UBE3D: variants seen among roughly 807,000 people sequenced by gnomAD.
The protein encoded by UBE3D is E3 ubiquitin-protein ligase E3D.
UBE3D carries 48 observed loss-of-function variants against 49.6 expected under a neutral mutation model. The observed-to-expected ratio is 0.97, with a 90% confidence interval of 0.77 to 1.23. UBE3D has a LOEUF of 1.23. Among genes scored for constraint, UBE3D ranks in the 50% most tolerant of loss-of-function variants. The pLI, the probability that UBE3D is intolerant of heterozygous loss-of-function variation, is 0.00. For missense variants in UBE3D, 452 were observed against 468.4 expected, an observed-to-expected ratio of 0.96 and a Z score of 0.32; for synonymous variants, 189 against 174.2, an observed-to-expected ratio of 1.08 and a Z score of -0.67.
chr6:82,992,072 C>T (rs552177820), intron 8 of UBE3D, among the ~76,000 whole-genome samples: 4 of 152,022 alleles, frequency 2.6e-5, no homozygotes, highest in Admixed American at 6.6e-5. Flanking sequence ...GATTCCAGCA[C>T]AAACATGCAC....
intron 9 of UBE3D, among the ~76,000 whole-genome samples, chr6:82,918,557 T>C (rs527252230): frequency 1.1e-4 from 17 of 152,168 alleles, no homozygotes; most frequent in Non-Finnish European, 2.4e-4. Flanking sequence ...CCATGGAAAA[T>C]AGAATTTGTT....
At chr6:82,896,305 A>G (rs1771309445) in intron 9 of UBE3D, among the ~76,000 whole-genome samples, 1 of 152,224 alleles carries the variant, frequency 6.6e-6, no homozygotes, top group Non-Finnish European at 1.5e-5. Context: ...TTTATTCCCC[A>G]AAGTAAAAGT....
chr6:82,928,597 G>T (rs2127742090), intron 9 of UBE3D, among the ~76,000 whole-genome samples: 1 of 152,212 alleles, frequency 6.6e-6, no homozygotes. Context: ...TACCAAGTCT[G>T]CTTAAATTTT....
At chr6:82,899,921 T>C (rs978700260) in intron 9 of UBE3D, among the ~76,000 whole-genome samples, 1 of 152,184 alleles carries the variant, frequency 6.6e-6, no homozygotes, top group Non-Finnish European at 1.5e-5. Context: ...TAAAAATATA[T>C]TGCCTCTGAA....
intron 8 of UBE3D, among the ~76,000 whole-genome samples, chr6:82,978,386 A>G (rs1777879093): frequency 6.6e-6 from 1 of 152,196 alleles, no homozygotes; most frequent in Non-Finnish European, 1.5e-5. Flanking sequence ...TTTTCAAGTC[A>G]GTCTAGAGAA....
intron 9 of UBE3D, among the ~76,000 whole-genome samples, chr6:82,912,175 A>T (rs1373138359): frequency 6.6e-6 from 1 of 151,376 alleles, no homozygotes. Flanking sequence ...GATTTCTTCC[A>T]TGCTTTTTTT....
chr6:82,976,051 C>T (rs1002846881), intron 8 of UBE3D, among the ~76,000 whole-genome samples: 2 of 152,098 alleles, frequency 1.3e-5, no homozygotes, highest in African/African-American at 2.4e-5. Context: ...AGCTCACATC[C>T]AAGAAATGTA....
At chr6:83,048,144 G>A (rs1344750889) in intron 3 of UBE3D, among the ~76,000 whole-genome samples, 3 of 149,530 alleles carry the variant, frequency 2.0e-5, no homozygotes, top group African/African-American at 7.4e-5. Context: ...GATCAGTAAC[G>A]GCAGGTCCTT....
rs192805755 is a variant in UBE3D, at chr6:82,939,328, C to A, written c.1149+17984G>T. Among the ~76,000 whole-genome samples the A allele has an allele frequency of 6.6e-5, 10 of 152,210 alleles. No individual in the cohort carries two copies. The East Asian group carries it at 1.2e-3, about 18-fold the overall frequency. ...TTTAAGATTCTATATTTTTAGTTTG[C>A]TAAAAGTAAAAATATGTATTGTTTT... On this transcript the variant is annotated intron_variant, in intron 9 of 9. Coordinates refer to ENST00000369747, the MANE Select transcript of UBE3D (RefSeq NM_198920.3).
chr6:82,965,049 C>A (rs1776811265), intron 8 of UBE3D, among the ~76,000 whole-genome samples: 1 of 152,062 alleles, frequency 6.6e-6, no homozygotes, highest in Non-Finnish European at 1.5e-5. Flanking sequence ...AATTTAAGTA[C>A]ACAATTCCTG....
intron 5 of UBE3D, chr6:83,038,052 T>TAAAAAAAAAAAAA (rs78857512): frequency 1.2e-5 from 1 of 86,368 alleles, no homozygotes; most frequent in Admixed American, 1.1e-4. Context: ...AAGGTAAAAT[T>TAAAAAAAAAAAAA]AAAAAAAAAA....
At chr6:82,997,569 A>C (rs544810738) in intron 8 of UBE3D, among the ~76,000 whole-genome samples, 1 of 152,214 alleles carries the variant, frequency 6.6e-6, no homozygotes, top group East Asian at 1.9e-4. Flanking sequence ...AATACAAAAA[A>C]TTAGCCAGGC....
intron 9 of UBE3D, among the ~76,000 whole-genome samples, chr6:82,936,027 A>G (rs1562099094): frequency 6.6e-6 from 1 of 152,176 alleles, no homozygotes; most frequent in African/African-American, 2.4e-5. Flanking sequence ...AAAATAATAC[A>G]TAATAGTAAT....
At chr6:83,049,253 C>T (rs1783293055) in intron 3 of UBE3D, among the ~76,000 whole-genome samples, 2 of 152,070 alleles carry the variant, frequency 1.3e-5, no homozygotes, top group African/African-American at 4.8e-5. Flanking sequence ...GTAATAACAG[C>T]TTCTACAGAC....
chr6:82,979,299 C>T (rs1420201251), intron 8 of UBE3D, among the ~76,000 whole-genome samples: 1 of 152,022 alleles, frequency 6.6e-6, no homozygotes. Flanking sequence ...GAACTTTGGG[C>T]CAGTAACCAG....
chr6:83,010,593 T>C (rs757079173), intron 8 of UBE3D, among the ~76,000 whole-genome samples: 5 of 152,084 alleles, frequency 3.3e-5, no homozygotes, highest in Non-Finnish European at 5.9e-5. Context: ...TATATACATA[T>C]AAAGGGGAGT....
chr6:83,026,222 G>A (rs1254751772), intron 5 of UBE3D, among the ~76,000 whole-genome samples: 2 of 152,038 alleles, frequency 1.3e-5, no homozygotes, highest in East Asian at 1.9e-4. Flanking sequence ...AAGGCAGGAC[G>A]ATCACTTCAA....
chr6:83,007,592 A>G (rs1780064317), intron 8 of UBE3D, among the ~76,000 whole-genome samples: 1 of 152,210 alleles, frequency 6.6e-6, no homozygotes, highest in Admixed American at 6.5e-5. Context: ...ATAAACATTT[A>G]TATTTTTTGT....
In UBE3D at chr6:83,024,001, C is replaced by T; in HGVS notation, c.705G>A (p.Gln235=). 6.5e-7 allele frequency: 1 copy of T among 1,536,774 alleles called. No homozygotes were observed. Among genetic ancestry groups the T allele is most frequent in the Non-Finnish European group, 8.7e-7 (1 of 1,149,350 alleles). ...TKFYMTEIII[Q]SSERSFPIIP... ...TGATAGGAAAACTCCTCTCAGATGA[C>T]TGAATAATTATCTCTGTCATATAAA... The change falls in exon 6 of 10, where the codon CAG becomes CAA. Residue 235 remains glutamine, a synonymous_variant. Coordinates refer to ENST00000369747, the MANE Select transcript of UBE3D (RefSeq NM_198920.3).
Sources: allele counts gnomAD v4.1 joint callset (sites outside exome capture counted in the v4.1 genomes callset), GRCh38; gene constraint gnomAD v4.1.1; transcripts MANE v1.5; gene names NCBI Gene and HGNC (gene_info 2026-07-23, HGNC 2026-07-21).